ARHGEF10L: variants seen among roughly 807,000 people sequenced by gnomAD.
ARHGEF10L encodes the protein Rho guanine nucleotide exchange factor 10 like.
A neutral mutation model predicts 141.2 loss-of-function variants in ARHGEF10L; 69 were observed. The observed-to-expected ratio is 0.49, with a 90% CI of 0.40 to 0.60. The LOEUF (loss-of-function observed/expected upper bound fraction) is 0.60. Ranked by LOEUF, ARHGEF10L falls within the 20% of genes least tolerant of loss-of-function variation. The pLI is 0.00. For synonymous variants in ARHGEF10L, 711 were observed against 718.5 expected, an observed-to-expected ratio of 0.99 and a Z score of 0.17; for missense variants, 1,482 against 1,734.3, an observed-to-expected ratio of 0.85 and a Z score of 2.58.
intron 4 of ARHGEF10L, among the ~76,000 whole-genome samples, chr1:17,599,021 A>T (rs1363535512): frequency 6.6e-6 from 1 of 152,170 alleles, no homozygotes; most frequent in African/African-American, 2.4e-5. Flanking sequence ...TAGGGGTAAC[A>T]ACACCTGCCT....
chr1:17,626,022 T>C lies in ARHGEF10L; in HGVS notation c.1384T>C (p.Phe462Leu), dbSNP rs776413301. Residue 462 changes from phenylalanine (F) to leucine (L), a missense_variant, in exon 14 of 29, where the codon TTC (phenylalanine) becomes CTC (leucine). Phe to Leu is a conservative substitution (Grantham distance 22). This residue lies in a region of ARHGEF10L where 392 missense variants were observed against 542.1 expected (regional missense o/e 0.72). Coordinates refer to ENST00000361221, the MANE Select transcript of ARHGEF10L (RefSeq NM_018125.4). ...GCTGATGGTCAAGCCCATCCAGAGG[T>C]TCCCACAGTTCATACTCCTGCTTCA... ...YGLMVKPIQR[F>L]PQFILLLQDM... is the part of the protein sequence containing the mutation. The C allele has an allele frequency of 3.1e-6, 5 of 1,613,684 alleles. No individual in the cohort carries two copies. The highest frequency in any genetic ancestry group is 4.2e-6 in the Non-Finnish European group (5 of 1,179,772).
In ARHGEF10L at chr1:17,625,735, T is replaced by C. The variant is rs1306677720; in HGVS notation, c.1318-221T>C. Among the ~76,000 whole-genome samples, 1 of 152,210 alleles carries C rather than the reference T, an allele frequency of 6.6e-6. No homozygotes were observed. The highest frequency in any genetic ancestry group is 2.4e-5 in the African/African-American group (1 of 41,442). ...AGTTCAGAGACCTTAAGATGACTGC[T>C]TTAGTCTCCTGAGGGTGCGCGGCCA... On this transcript the variant is annotated intron_variant, in intron 13 of 28. Coordinates refer to ENST00000361221, the MANE Select transcript of ARHGEF10L (RefSeq NM_018125.4). The surrounding 1 kb of genome is among the most constrained non-coding windows in gnomAD (Gnocchi z 4.5).
chr1:17,518,634 A>G, the ARHGEF10L span, among the ~76,000 whole-genome samples: 4 of 151,662 alleles, frequency 2.6e-5, no homozygotes, highest in Non-Finnish European at 5.9e-5. Flanking sequence ...TCTATTAAAA[A>G]TGCAAAAATT....
intron 6 of ARHGEF10L, among the ~76,000 whole-genome samples, chr1:17,605,317 G>A (rs968302633): frequency 6.6e-6 from 1 of 152,108 alleles, no homozygotes; most frequent in African/African-American, 2.4e-5. Context: ...AGGGTCACAC[G>A]GGGTCCTGAC....
In ARHGEF10L at chr1:17,639,758, C is replaced by A. The variant is rs2101819962; in HGVS notation, c.2172-444C>A. On this transcript the variant is annotated intron_variant, in intron 20 of 28. Coordinates refer to ENST00000361221, the MANE Select transcript of ARHGEF10L (RefSeq NM_018125.4). This position sits in a 1 kb window ranked among gnomAD's most constrained non-coding sequence, Gnocchi z 4.3. ...TTCATTCATTCCTGTGTCCACTCAG[C>A]AAACATTTACTGAGCAACTGTCCCA... The A allele has an allele frequency of 1.0e-6, 1 of 952,474 alleles. No homozygotes were observed. The highest frequency in any genetic ancestry group is 1.5e-6 in the Non-Finnish European group (1 of 680,624). 59.0% of individuals were successfully genotyped at this position (952,474 alleles called of 1,614,324 possible).
At chr1:17,593,741 C>T (rs2079812986) in intron 4 of ARHGEF10L, among the ~76,000 whole-genome samples, 1 of 151,720 alleles carries the variant, frequency 6.6e-6, no homozygotes, top group South Asian at 2.1e-4. Flanking sequence ...CCTGTGAGAA[C>T]AGATTTGTGT....
rs942775496 is a variant in ARHGEF10L at position 17,671,618 on chromosome 1, C to A, written c.3009+7023C>A. Among the ~76,000 whole-genome samples, 13 of 152,204 alleles carry A rather than the reference C, an allele frequency of 8.5e-5. No individual in the cohort carries two copies. The East Asian group carries it at 2.3e-3, about 27-fold the overall frequency. The stretch of plus-strand genomic sequence containing the variant: ...AGGGCAAGTGGCGTCAGCATTTGGA[C>A]CCCAGGCCTGGTTCCTGCCTTGAGG... On this transcript the variant is annotated intron_variant, in intron 26 of 28. Transcript: ENST00000361221.
At chr1:17,611,953 A>G (rs989968181) in intron 7 of ARHGEF10L, among the ~76,000 whole-genome samples, 3 of 151,516 alleles carry the variant, frequency 2.0e-5, no homozygotes, top group Non-Finnish European at 4.4e-5. Flanking sequence ...TCTTCTGTCC[A>G]TCTACCTGTT....
At chr1:17,600,348 C>G (rs1214309580) in intron 4 of ARHGEF10L, among the ~76,000 whole-genome samples, 1 of 152,242 alleles carries the variant, frequency 6.6e-6, no homozygotes, top group Non-Finnish European at 1.5e-5. Context: ...GTGCTGTTCT[C>G]TTGACAGTCT....
intron 1 of ARHGEF10L, among the ~76,000 whole-genome samples, chr1:17,541,125 C>T (rs777164365): frequency 6.6e-6 from 1 of 152,174 alleles, no homozygotes; most frequent in Non-Finnish European, 1.5e-5. Context: ...TCGCTCTGTC[C>T]CCAGGCGCTT....
chr1:17,541,860 G>A (rs926258642), intron 1 of ARHGEF10L, among the ~76,000 whole-genome samples: 1 of 152,076 alleles, frequency 6.6e-6, no homozygotes, highest in African/African-American at 2.4e-5. Flanking sequence ...CCAGCTACTC[G>A]GGAGGCTGAA....
At position 17,607,605 on chromosome 1, in the gene ARHGEF10L, C is replaced by T. The variant is rs1196601186; in HGVS notation, c.434-197C>T. On this transcript the variant is annotated intron_variant, in intron 6 of 28. Coordinates refer to ENST00000361221, the MANE Select transcript of ARHGEF10L (RefSeq NM_018125.4). This position sits in a 1 kb window ranked among gnomAD's most constrained non-coding sequence, Gnocchi z 4.5. ...TTGGGTTTTCCCCATTTTCTCAGGC[C>T]CTCCTTGCCCTACGAGGGGGAAAAT... 6.6e-6 allele frequency among the ~76,000 whole-genome samples: 1 copy of T among 152,210 alleles called. No individual in the cohort carries two copies. The highest frequency in any genetic ancestry group is 1.5e-5 in the Non-Finnish European group (1 of 68,048).
At chr1:17,637,000 CTGG>C (rs748633008) in intron 18 of ARHGEF10L, among the ~76,000 whole-genome samples, 4 of 152,096 alleles carry the variant, frequency 2.6e-5, no homozygotes, top group African/African-American at 4.8e-5. Context: ...TGTATCATCA[CTGG>C]TGATCTGGGC....
intron 13 of ARHGEF10L, among the ~76,000 whole-genome samples, chr1:17,624,891 T>C (rs956896101): frequency 6.6e-6 from 1 of 152,192 alleles, no homozygotes; most frequent in Non-Finnish European, 1.5e-5. Context: ...AAATTCCTTA[T>C]AGGGGTATCT....
chr1:17,590,219 T>G (rs991427825), intron 4 of ARHGEF10L, among the ~76,000 whole-genome samples: 2 of 152,080 alleles, frequency 1.3e-5, no homozygotes, highest in African/African-American at 4.8e-5. Context: ...TGGTCCCTGA[T>G]GAGAGGGTGT....
chr1:17,652,129 G>T (rs1379688698), intron 22 of ARHGEF10L, among the ~76,000 whole-genome samples: 2 of 152,234 alleles, frequency 1.3e-5, no homozygotes, highest in Admixed American at 1.3e-4. Flanking sequence ...TCTAGGGAGG[G>T]CTTGGGCTGG....
At chr1:17,640,013 G>A (rs2061239605) in intron 20 of ARHGEF10L, 189 bp from the exon 21 acceptor site, 2 of 1,472,740 alleles carry the variant, frequency 1.4e-6, no homozygotes, top group South Asian at 2.7e-5. Context: ...TGTGGGCGGA[G>A]GGATTCCTCC....
chr1:17,641,028 G>A (rs962749965), intron 21 of ARHGEF10L, among the ~76,000 whole-genome samples: 2 of 152,204 alleles, frequency 1.3e-5, no homozygotes, highest in Admixed American at 6.5e-5. Flanking sequence ...CACACAGAAG[G>A]AAGGGGCAGA....
chr1:17,564,303 TG>T (rs1441498407), intron 1 of ARHGEF10L, among the ~76,000 whole-genome samples: 1 of 152,162 alleles, frequency 6.6e-6, no homozygotes, highest in East Asian at 1.9e-4. Context: ...AGCTTAGGGC[TG>T]GGACCCAGAG....
Sources: allele counts gnomAD v4.1 joint callset (sites outside exome capture counted in the v4.1 genomes callset), GRCh38; gene constraint gnomAD v4.1.1; regional missense constraint gnomAD v4.1.1; non-coding constraint Gnocchi (gnomAD v3.1); transcripts MANE v1.5; gene names NCBI Gene and HGNC (gene_info 2026-07-23, HGNC 2026-07-21).